MARCHF1: variants seen among roughly 807,000 people sequenced by gnomAD.
MARCHF1 encodes the protein membrane associated ring-CH-type finger 1.
A neutral mutation model predicts 54.2 loss-of-function variants in MARCHF1; 40 were observed. The observed-to-expected ratio is 0.74, with a 90% CI of 0.57 to 0.96. The LOEUF (loss-of-function observed/expected upper bound fraction) is 0.96, where lower values mean the gene tolerates loss of function less well. Among genes scored for constraint, MARCHF1 ranks in the 40% least tolerant of loss-of-function variants. The pLI, the probability that MARCHF1 is intolerant of heterozygous loss-of-function variation, is 0.00. For missense variants in MARCHF1, 586 were observed against 656.5 expected, an observed-to-expected ratio of 0.89 and a Z score of 1.17; for synonymous variants, 236 against 236.3, an observed-to-expected ratio of 1.00 and a Z score of 0.01.
rs190088159 is a variant in MARCHF1, at chr4:163,931,476, G to A, written c.-39+57025C>T. On this transcript the variant is annotated intron_variant, in intron 3 of 9. Coordinates refer to ENST00000514618, the MANE Select transcript of MARCHF1 (RefSeq NM_001394959.1). Reference sequence around the variant, plus strand: ...GCCTTCATAAAGGAGGCCTCAGGAGGCGTGTTTGCCCCTTCCACCACGAGA... The same window carrying A: ...GCCTTCATAAAGGAGGCCTCAGGAGACGTGTTTGCCCCTTCCACCACGAGA... 2.0e-5 allele frequency among the ~76,000 whole-genome samples: 3 copies of A among 152,188 alleles called. No individual in the cohort carries two copies. The East Asian group carries it at 5.8e-4, about 29-fold the overall frequency.
chr4:163,817,362 C>G (rs529633770), intron 4 of MARCHF1, among the ~76,000 whole-genome samples: 1 of 144,650 alleles, frequency 6.9e-6, no homozygotes, highest in Non-Finnish European at 1.5e-5. Context: ...CATATACATA[C>G]ATACATATAC....
chr4:163,989,274 C>G lies in MARCHF1; in HGVS notation c.-247-565G>C, dbSNP rs117572357. Among the ~76,000 whole-genome samples the G allele has an allele frequency of 5.4e-3, 747 of 139,246 alleles. 20 individuals are homozygous for G. Among genetic ancestry groups the G allele is most frequent in the East Asian group, 0.038 (179 of 4,698 alleles). 91.4% of individuals were successfully genotyped at this position (139,246 alleles called of 152,430 possible). On this transcript the variant is annotated intron_variant, in intron 2 of 9. Transcript: ENST00000514618. ...TGAAGTGAAGAGCATCGCATGAGAT[C>G]GAATGAGGTGTTGAGAGAGAGAGAG...
At chr4:163,941,891 C>T (rs1427884200) in intron 3 of MARCHF1, among the ~76,000 whole-genome samples, 1 of 152,064 alleles carries the variant, frequency 6.6e-6, no homozygotes, top group Non-Finnish European at 1.5e-5. Context: ...TCAGCTTATA[C>T]TCAGAAATAA....
intron 1 of MARCHF1, among the ~76,000 whole-genome samples, chr4:164,241,559 T>G: frequency 6.6e-6 from 1 of 152,154 alleles, no homozygotes; most frequent in East Asian, 1.9e-4. Context: ...CTGTGTATAT[T>G]AAAATGGACT....
At chr4:163,651,841 A>G (rs981008849) in intron 5 of MARCHF1, among the ~76,000 whole-genome samples, 1 of 150,236 alleles carries the variant, frequency 6.7e-6, no homozygotes, top group Non-Finnish European at 1.5e-5. Flanking sequence ...TTTTTGGACC[A>G]TGTGAGATCA....
At chr4:163,865,067 G>A (rs559890024) in intron 3 of MARCHF1, among the ~76,000 whole-genome samples, 2 of 151,980 alleles carry the variant, frequency 1.3e-5, no homozygotes, top group African/African-American at 4.8e-5. Context: ...TTAAATAAGG[G>A]AATTTGGTAT....
At chr4:163,857,186 T>C (rs1164769198) in intron 3 of MARCHF1, among the ~76,000 whole-genome samples, 1 of 151,184 alleles carries the variant, frequency 6.6e-6, no homozygotes, top group Non-Finnish European at 1.5e-5. Context: ...AATAACAATA[T>C]GTTCTTTTCT....
chr4:164,111,640 A>G lies in MARCHF1; in HGVS notation c.-300T>C, dbSNP rs1388981562. The G allele has an allele frequency of 6.6e-6, 1 of 151,732 alleles. No individual in the cohort carries two copies. The highest frequency in any genetic ancestry group is 1.5e-5 in the Non-Finnish European group (1 of 67,690). The allele number at this position is 151,732 out of a possible 1,614,324, so 9.4% of individuals were successfully genotyped here. ...GCAGGACAGTTGAGTATATTCTCTCAGAGTTCTTTTGGGGTACATTTCCTG... is the reference window on the plus strand; with the variant it reads ...GCAGGACAGTTGAGTATATTCTCTCGGAGTTCTTTTGGGGTACATTTCCTG... On this transcript the variant is annotated 5_prime_UTR_variant, in exon 2 of 10. An upstream open reading frame in the 5' UTR loses its in-frame stop. Coordinates refer to ENST00000514618, the MANE Select transcript of MARCHF1 (RefSeq NM_001394959.1).
chr4:164,172,859 T>C (rs1380171776), intron 1 of MARCHF1, among the ~76,000 whole-genome samples: 1 of 151,858 alleles, frequency 6.6e-6, no homozygotes, highest in South Asian at 2.1e-4. Flanking sequence ...CGGGGGCCTG[T>C]AGTCCCAGCT....
rs1729902152 is a variant in MARCHF1 at position 164,340,755 on chromosome 4, AC to A, written c.-323+43114del. On this transcript the variant is annotated intron_variant, in intron 1 of 9. Transcript: ENST00000514618. ...CATATTTTTAATAGAGACAGGTTTC[AC>A]CATGTTGCCCAGGGTGGCCTCAAAC... is the stretch of plus-strand genomic sequence containing the variant. 2.0e-5 allele frequency among the ~76,000 whole-genome samples: 3 copies of A among 151,614 alleles called. No homozygotes were observed. The South Asian group carries it at 6.3e-4, about 32-fold the overall frequency.
chr4:164,273,941 A>C (rs1733806493), intron 1 of MARCHF1, among the ~76,000 whole-genome samples: 1 of 152,188 alleles, frequency 6.6e-6, no homozygotes, highest in Non-Finnish European at 1.5e-5. Context: ...GGAATTAATA[A>C]ATAAAAATGT....
intron 4 of MARCHF1, among the ~76,000 whole-genome samples, chr4:163,824,220 G>A (rs1748778970): frequency 6.6e-6 from 1 of 151,924 alleles, no homozygotes; most frequent in Non-Finnish European, 1.5e-5. Flanking sequence ...GTTTTAAAAT[G>A]TATATACATA....
chr4:164,051,874 A>G (rs886132901), intron 2 of MARCHF1, among the ~76,000 whole-genome samples: 1 of 152,244 alleles, frequency 6.6e-6, no homozygotes, highest in Non-Finnish European at 1.5e-5. Flanking sequence ...TTAGAATTCT[A>G]TAGCTTAGAG....
chr4:163,830,872 G>A (rs188721422), intron 4 of MARCHF1, among the ~76,000 whole-genome samples: 2 of 152,202 alleles, frequency 1.3e-5, no homozygotes, highest in Admixed American at 1.3e-4. Flanking sequence ...TTCTCTTGCT[G>A]TGTGGCAGCT....
rs1004615384 is a variant in MARCHF1 at position 164,214,962 on chromosome 4, G to A, written c.-322-103300C>T. On this transcript the variant is annotated intron_variant, in intron 1 of 9. Transcript: ENST00000514618. ...TCAAACCTCAGATGGGCAGGCTGTG[G>A]GGCTCTGACCCCACGGCAGTGTCTA... Among the ~76,000 whole-genome samples, 9 of 152,246 alleles carry A rather than the reference G, an allele frequency of 5.9e-5. No homozygotes were observed. The East Asian group carries it at 1.7e-3, about 29-fold the overall frequency.
At chr4:163,810,455 C>T (rs879561729) in intron 4 of MARCHF1, among the ~76,000 whole-genome samples, 8 of 152,274 alleles carry the variant, frequency 5.3e-5, no homozygotes, top group Non-Finnish European at 7.4e-5. Context: ...TCTACTGCTT[C>T]ACTGGGACCT....
At chr4:164,213,296 C>CAAGTTCTGCTCACTGA (rs1480137524) in intron 1 of MARCHF1, among the ~76,000 whole-genome samples, 1 of 151,132 alleles carries the variant, frequency 6.6e-6, no homozygotes, top group African/African-American at 2.4e-5. Context: ...TGCAGTGGCG[C>CAAGTTCTGCTCACTGA]AAGCTCTGCT....
At chr4:163,675,402 C>A (rs1184156027) in intron 5 of MARCHF1, among the ~76,000 whole-genome samples, 1 of 152,102 alleles carries the variant, frequency 6.6e-6, no homozygotes, top group Admixed American at 6.5e-5. Context: ...ATCCCAAAGG[C>A]GCTACAAATA....
At chr4:164,081,743 C>T (rs1380663090) in intron 2 of MARCHF1, among the ~76,000 whole-genome samples, 1 of 151,724 alleles carries the variant, frequency 6.6e-6, no homozygotes. Context: ...CACACACATA[C>T]ACACACAAAT....
Sources: allele counts gnomAD v4.1 joint callset (sites outside exome capture counted in the v4.1 genomes callset), GRCh38; gene constraint gnomAD v4.1.1; transcripts MANE v1.5; gene names NCBI Gene and HGNC (gene_info 2026-07-23, HGNC 2026-07-21).